The following ALMS1 variants were observed in gnomAD, a reference collection of about 807,000 sequenced individuals.
The protein encoded by ALMS1 is centrosome-associated protein ALMS1.
A neutral mutation model predicts 352.2 loss-of-function variants in ALMS1; 271 were observed. That is an observed-to-expected ratio of 0.77 (90% CI 0.70 to 0.85). The LOEUF (loss-of-function observed/expected upper bound fraction) is 0.85, where lower values mean the gene tolerates loss of function less well. Ranked by LOEUF, ALMS1 falls within the 40% of genes least tolerant of loss-of-function variation. ALMS1 has a pLI of 0.00. For synonymous variants in ALMS1, 1,865 were observed against 1,761.2 expected, an observed-to-expected ratio of 1.06 and a Z score of -1.48; for missense variants, 5,445 against 4,870.7, an observed-to-expected ratio of 1.12 and a Z score of -3.51.
intron 1 of ALMS1, among the ~76,000 whole-genome samples, chr2:73,396,516 A>C (rs540328733): frequency 1.4e-5 from 2 of 147,316 alleles, no homozygotes; most frequent in Non-Finnish European, 3.0e-5. Context: ...AATTCTTTGA[A>C]AGTTCGATAG....
At chr2:73,399,970 C>T (rs1285306047) in intron 1 of ALMS1, among the ~76,000 whole-genome samples, 1 of 132,668 alleles carries the variant, frequency 7.5e-6, no homozygotes, top group African/African-American at 3.0e-5. Context: ...CAGGGTCTGG[C>T]GTTGTCACCC....
At chr2:73,517,814 C>G (rs960334218) in intron 10 of ALMS1, among the ~76,000 whole-genome samples, 35 of 152,000 alleles carry the variant, frequency 2.3e-4, no homozygotes, top group Admixed American at 5.9e-4. Flanking sequence ...TGCACCACCA[C>G]GCCTGGCTAA....
At chr2:73,558,895 A>G (rs1250188734) in intron 14 of ALMS1, 77 bp from the exon 15 acceptor site, 5 of 1,461,808 alleles carry the variant, frequency 3.4e-6, no homozygotes, top group Non-Finnish European at 4.7e-6. Flanking sequence ...CTTTCACATA[A>G]TACGTACTTG....
At chr2:73,561,199 G>T (rs1357010131) in intron 15 of ALMS1, among the ~76,000 whole-genome samples, 3 of 152,234 alleles carry the variant, frequency 2.0e-5, no homozygotes, top group African/African-American at 7.2e-5. Context: ...GGCAGCTGTA[G>T]TTCAGGCCTA....
Position 73,453,997 on chromosome 2 carries a change from A to C in ALMS1, c.7470A>C (p.Glu2490Asp), listed in dbSNP as rs1180605370. 1.9e-6 allele frequency: 3 copies of C among 1,613,880 alleles called. No individual in the cohort carries two copies. Among genetic ancestry groups the C allele is most frequent in the Non-Finnish European group, 8.5e-7 (1 of 1,179,960 alleles). Reference protein sequence around the residue: ...AAHVKNLLQCESSLNHAKEIL... With the variant: ...AAHVKNLLQCDSSLNHAKEIL... ...ATGTGAAAAACCTTCTGCAATGTGAATCCTCACTGAATCATGCTAAAGAAA... is the reference window on the plus strand; with the variant it reads ...ATGTGAAAAACCTTCTGCAATGTGACTCCTCACTGAATCATGCTAAAGAAA... The change falls in exon 8 of 23, where the codon GAA becomes GAC. Residue 2490 changes from glutamate (E) to aspartate (D), a missense_variant. Physicochemically the swap from Glu to Asp is conservative, Grantham distance 45. Transcript: ENST00000613296.
intron 12 of ALMS1, among the ~76,000 whole-genome samples, chr2:73,538,529 C>A (rs1291673632): frequency 6.6e-6 from 1 of 152,064 alleles, no homozygotes; most frequent in Non-Finnish European, 1.5e-5. Flanking sequence ...GATTGTAGGA[C>A]AGTGGGTGCA....
rs774134950 is a variant in ALMS1, at chr2:73,573,386, C to G, written c.11509C>G (p.Leu3837Val). The part of the protein sequence containing the change: ...SKKVLNTGHP[L>V]VTSEHTRRRH... ...GAAAGTGCTGAATACAGGTCATCCC[C>G]TAGTGACTTCTGAGCACACCAGAAG... The change falls in exon 16 of 23, where the codon CTA (leucine) becomes GTA (valine). Residue 3837 changes from leucine to valine, a missense_variant. Leu to Val is a conservative substitution (Grantham distance 32). Coordinates refer to ENST00000613296, the MANE Select transcript of ALMS1 (RefSeq NM_001378454.1). 6.2e-7 allele frequency: 1 copy of G among 1,614,054 alleles called. No homozygotes were observed. The highest frequency in any genetic ancestry group is 1.1e-5 in the South Asian group (1 of 91,080).
rs1003290083 is a variant in ALMS1 at position 73,522,365 on chromosome 2, C to T, written c.9781+2349C>T. Among the ~76,000 whole-genome samples the T allele has an allele frequency of 2.0e-5, 3 of 151,962 alleles. No individual in the cohort carries two copies. In the South Asian group the frequency reaches 6.2e-4, roughly 32 times the overall value. ...TTCTAACAATAACTACGGGAACGAC[C>T]AAATAGAATTGGAGGCTACAGCTTT... On this transcript the variant is annotated intron_variant, in intron 11 of 22. Transcript: ENST00000613296.
chr2:73,473,189 G>A (rs1429646792), intron 9 of ALMS1, among the ~76,000 whole-genome samples: 2 of 152,002 alleles, frequency 1.3e-5, no homozygotes, highest in African/African-American at 4.8e-5. Flanking sequence ...CTAAGATATA[G>A]TTGTAAACAG....
intron 10 of ALMS1, among the ~76,000 whole-genome samples, chr2:73,507,274 A>G (rs1673347582): frequency 1.3e-5 from 2 of 152,182 alleles, no homozygotes; most frequent in African/African-American, 2.4e-5. Flanking sequence ...TTTTGGTATC[A>G]TGATGATGCT....
At position 73,453,160 on chromosome 2, in the gene ALMS1, T is replaced by G. The variant is rs745443498; in HGVS notation, c.6633T>G (p.Ser2211=). ...HVQRLIDNLN[S]SDSSVSSNNV... is the part of the protein sequence containing the mutation. ...AAAGGCTAATAGATAATTTGAATTC[T>G]TCTGACTCCAGTGTTAGCTCAAATA... is the stretch of plus-strand genomic sequence containing the variant. The change falls in exon 8 of 23, where the codon TCT becomes TCG. Residue 2211 remains serine, a synonymous_variant. Coordinates refer to ENST00000613296, the MANE Select transcript of ALMS1 (RefSeq NM_001378454.1). 2 of 1,613,962 alleles carry G rather than the reference T, an allele frequency of 1.2e-6. No individual in the cohort carries two copies. Among genetic ancestry groups the G allele is most frequent in the African/African-American group, 2.7e-5 (2 of 74,932 alleles).
At chr2:73,478,428 GAA>G (rs1438324617) in intron 9 of ALMS1, among the ~76,000 whole-genome samples, 1 of 152,108 alleles carries the variant, frequency 6.6e-6, no homozygotes, top group Non-Finnish European at 1.5e-5. Context: ...AGGAAGAAGA[GAA>G]ATATATTTTG....
chr2:73,398,441 C>T (rs1408513971), intron 1 of ALMS1, among the ~76,000 whole-genome samples: 2 of 152,114 alleles, frequency 1.3e-5, no homozygotes, highest in Non-Finnish European at 2.9e-5. Flanking sequence ...TCTTTTGCCC[C>T]TCCATATAAA....
chr2:73,515,190 T>C (rs1558677303), intron 10 of ALMS1, among the ~76,000 whole-genome samples: 1 of 152,188 alleles, frequency 6.6e-6, no homozygotes, highest in Non-Finnish European at 1.5e-5. Flanking sequence ...ACACAGTGTC[T>C]ATTTGCTTCT....
chr2:73,502,244 T>A (rs560248590), intron 10 of ALMS1, among the ~76,000 whole-genome samples: 1 of 152,288 alleles, frequency 6.6e-6, no homozygotes, highest in East Asian at 1.9e-4. Context: ...ATCTATTTGT[T>A]CTCTGTTTTA....
rs1671931254 is a variant in ALMS1, at chr2:73,451,237, C to G, written c.4710C>G (p.Ser1570=). 4 of 1,613,946 alleles carry G rather than the reference C, an allele frequency of 2.5e-6. No individual in the cohort carries two copies. Among genetic ancestry groups the G allele is most frequent in the Non-Finnish European group, 3.4e-6 (4 of 1,179,932 alleles). ...GCATACCAACCATAACCTCTACTTCCTACTCATTTGGAGAGAAGCCGATTG... is the reference window on the plus strand; with the variant it reads ...GCATACCAACCATAACCTCTACTTCGTACTCATTTGGAGAGAAGCCGATTG... ...TTGIPTITST[S]YSFGEKPIVN... is the part of the protein sequence containing the mutation. The change falls in exon 8 of 23, where the codon TCC becomes TCG. Residue 1570 remains serine, a synonymous_variant. Transcript: ENST00000613296.
chr2:73,435,699 C>T (rs190068143), intron 7 of ALMS1, among the ~76,000 whole-genome samples: 17 of 152,146 alleles, frequency 1.1e-4, no homozygotes, highest in Admixed American at 1.1e-3. Context: ...TCAAGTGATC[C>T]TCCTGCCTCA....
intron 10 of ALMS1, among the ~76,000 whole-genome samples, chr2:73,515,372 G>A (rs1355623972): frequency 6.6e-6 from 1 of 151,750 alleles, no homozygotes; most frequent in Non-Finnish European, 1.5e-5. Context: ...CTAACTAGTA[G>A]CTAAATCCCC....
At chr2:73,575,395 C>T (rs1180605826) in intron 16 of ALMS1, among the ~76,000 whole-genome samples, 1 of 152,144 alleles carries the variant, frequency 6.6e-6, no homozygotes, top group Non-Finnish European at 1.5e-5. Flanking sequence ...TCCAACCCTC[C>T]TCCTTTTTTC....
Sources: gnomAD v4.1 joint callset for allele counts (sites outside exome capture counted in the v4.1 genomes callset) on GRCh38, gnomAD v4.1.1 for gene constraint, MANE v1.5 for transcripts, NCBI Gene and HGNC (gene_info 2026-07-23, HGNC 2026-07-21) for gene names.